The following ERG variants were observed in gnomAD, a reference collection of about 807,000 sequenced individuals.
The protein encoded by ERG is ETS transcription factor ERG.
In ERG, 9 loss-of-function variants were observed where a neutral mutation model predicts 55.3. The observed-to-expected ratio is 0.16, with a 90% CI of 0.10 to 0.28. The LOEUF is 0.28. ERG is among the 10% of genes least tolerant of loss of function. The pLI is 1.00. For synonymous variants in ERG, 223 were observed against 237.3 expected (o/e 0.94, Z 0.55); for missense variants, 434 against 631.6 (o/e 0.69, Z 3.35).
chr21:38,404,167 C>T (rs1189486714), intron 3 of ERG, among the ~76,000 whole-genome samples: 1 of 151,886 alleles, frequency 6.6e-6, no homozygotes, highest in African/African-American at 2.4e-5. Flanking sequence ...ACAACAACAA[C>T]AAAAATAATA....
chr21:38,572,939 C>T (rs1722614676), intron 2 of ERG, among the ~76,000 whole-genome samples: 2 of 152,284 alleles, frequency 1.3e-5, no homozygotes, highest in South Asian at 4.1e-4. Context: ...TTGAAAAAGA[C>T]CTGTACTTTA....
At chr21:38,403,092 G>A (rs962665987) in intron 4 of ERG, among the ~76,000 whole-genome samples, 3 of 152,100 alleles carry the variant, frequency 2.0e-5, no homozygotes, top group Non-Finnish European at 4.4e-5. Context: ...TATAAAGTGG[G>A]GCTTCATGTA....
chr21:38,445,264 C>T, intron 2 of ERG, 140 bp downstream of exon 2: 1 of 666,478 alleles, frequency 1.5e-6, no homozygotes, highest in South Asian at 1.9e-5. Flanking sequence ...GCCTCAGGCT[C>T]CCGAGTAGCT....
chr21:38,370,238 A>T, the ERG span, among the ~76,000 whole-genome samples: 2 of 151,856 alleles, frequency 1.3e-5, no homozygotes, highest in Non-Finnish European at 2.9e-5. Flanking sequence ...TCATGTTTCC[A>T]CTCTTGAAAA....
chr21:38,608,242 T>G (rs1277192361), intron 1 of ERG, among the ~76,000 whole-genome samples: 1 of 152,094 alleles, frequency 6.6e-6, no homozygotes, highest in Non-Finnish European at 1.5e-5. Flanking sequence ...ATACATTTAC[T>G]GAAAAAGATA....
Position 38,380,460 on chromosome 21 carries a change from GA to G in ERG, c.*2942del. On this transcript the variant is annotated 3_prime_UTR_variant, in exon 10 of 10. Coordinates refer to ENST00000288319, the MANE Select transcript of ERG (RefSeq NM_182918.4). The stretch of plus-strand genomic sequence containing the variant: ...GGTGATTTTACCACATACAAGGCCC[GA>G]AAGCCAATTGAAGACAAGAAAAGAA... 9.4e-7 allele frequency: 1 copy of G among 1,064,606 alleles called. No homozygotes were observed. The highest frequency in any genetic ancestry group is 5.3e-5 in the Admixed American group (1 of 18,716). The allele number at this position is 1,064,606 out of a possible 1,614,324, so 65.9% of individuals were successfully genotyped here.
chr21:38,482,683 CTT>C (rs35326459), intron 1 of ERG, among the ~76,000 whole-genome samples: 1 of 145,878 alleles, frequency 6.9e-6, no homozygotes, highest in African/African-American at 2.5e-5. Flanking sequence ...ATCATTTAGC[CTT>C]TTTTTTTTTT....
intron 2 of ERG, among the ~76,000 whole-genome samples, chr21:38,428,750 G>A (rs1255849715): frequency 6.6e-6 from 1 of 152,156 alleles, no homozygotes; most frequent in African/African-American, 2.4e-5. Flanking sequence ...GCAGGTGCCT[G>A]TCAAACAGAT....
intron 3 of ERG, among the ~76,000 whole-genome samples, chr21:38,407,216 A>C (rs1484267451): frequency 6.6e-6 from 1 of 152,248 alleles, no homozygotes; most frequent in Non-Finnish European, 1.5e-5. Flanking sequence ...AGTGTTGTTT[A>C]TAATAGCAAA....
chr21:38,578,736 G>A (rs900693621), intron 1 of ERG, among the ~76,000 whole-genome samples: 6 of 152,078 alleles, frequency 3.9e-5, no homozygotes, highest in Non-Finnish European at 7.4e-5. Context: ...CAGACCAGCC[G>A]CTAGCCAAGT....
chr21:38,566,175 T>A (rs1309517022), intron 2 of ERG, among the ~76,000 whole-genome samples: 2 of 152,124 alleles, frequency 1.3e-5, no homozygotes, highest in Non-Finnish European at 2.9e-5. Context: ...GATTTTGCGA[T>A]CAGAAGGTAA....
chr21:38,381,538 C>A lies in ERG; in HGVS notation c.*1865G>T. On this transcript the variant is annotated 3_prime_UTR_variant, in exon 10 of 10. Coordinates refer to ENST00000288319, the MANE Select transcript of ERG (RefSeq NM_182918.4). ...AGTGAGAGCTCCTGAAAGAGAAACC[C>A]CGCAGCAAATCTAGACGTTATCCCT... 1 of 1,064,104 alleles carries A rather than the reference C, an allele frequency of 9.4e-7. No individual in the cohort carries two copies. The highest frequency in any genetic ancestry group is 5.0e-5 in the East Asian group (1 of 19,900). 65.9% of individuals were successfully genotyped at this position (1,064,104 alleles called of 1,614,324 possible).
At chr21:38,391,092 TATG>T in intron 8 of ERG, 50 bp from the exon 9 acceptor site, 1 of 1,479,338 alleles carries the variant, frequency 6.8e-7, no homozygotes, top group South Asian at 1.2e-5. Flanking sequence ...TGTAACATAG[TATG>T]ATGTGACTTC....
At chr21:38,516,721 C>G (rs1372370271) in intron 2 of ERG, among the ~76,000 whole-genome samples, 3 of 151,994 alleles carry the variant, frequency 2.0e-5, no homozygotes, top group Non-Finnish European at 4.4e-5. Context: ...AAATATATTA[C>G]AAGGCTCTAG....
chr21:38,440,325 G>A (rs891638458), intron 2 of ERG, among the ~76,000 whole-genome samples: 1 of 152,226 alleles, frequency 6.6e-6, no homozygotes, highest in Non-Finnish European at 1.5e-5. Flanking sequence ...CTCCTCCAGA[G>A]GCAGGCAGCC....
intron 3 of ERG, among the ~76,000 whole-genome samples, chr21:38,417,382 T>C (rs2146488406): frequency 6.6e-6 from 1 of 152,364 alleles, no homozygotes; most frequent in East Asian, 1.9e-4. Flanking sequence ...GCTACTCTTA[T>C]CTCTGAGATT....
intron 1 of ERG, among the ~76,000 whole-genome samples, chr21:38,598,966 G>A (rs2060147607): frequency 6.6e-6 from 1 of 152,150 alleles, no homozygotes; most frequent in Admixed American, 6.5e-5. Context: ...AAGGAAAGGG[G>A]GACATAGGCA....
At chr21:38,407,181 A>C (rs1423901230) in intron 3 of ERG, among the ~76,000 whole-genome samples, 1 of 152,194 alleles carries the variant, frequency 6.6e-6, no homozygotes, top group Non-Finnish European at 1.5e-5. Context: ...GTGCGCAATG[A>C]TTTATTGTCA....
intron 1 of ERG, among the ~76,000 whole-genome samples, chr21:38,629,244 T>C (rs1025387220): frequency 1.3e-5 from 2 of 152,168 alleles, no homozygotes; most frequent in African/African-American, 4.8e-5. Context: ...CTAAGGCAGA[T>C]TGCCCATTCT....
Sources: gnomAD v4.1 joint callset for allele counts (sites outside exome capture counted in the v4.1 genomes callset) on GRCh38, gnomAD v4.1.1 for gene constraint, MANE v1.5 for transcripts, NCBI Gene and HGNC (gene_info 2026-07-23, HGNC 2026-07-21) for gene names.